Variants in PPP3R1 observed in about 807,000 individuals in gnomAD.
PPP3R1 encodes the protein calcineurin subunit B type 1.
PPP3R1 carries 5 observed loss-of-function variants against 22.6 expected under a neutral mutation model. The observed-to-expected ratio is 0.22, with a 90% CI of 0.12 to 0.46. The LOEUF (loss-of-function observed/expected upper bound fraction) is 0.46. PPP3R1 is among the 20% of genes least tolerant of loss of function. The pLI, the probability that PPP3R1 is intolerant of heterozygous loss-of-function variation, is 0.99. For synonymous variants in PPP3R1, 56 were observed against 65.2 expected (o/e 0.86, Z 0.68); for missense variants, 61 against 203.2 (o/e 0.30, Z 4.25).
intron 2 of PPP3R1, among the ~76,000 whole-genome samples, chr2:68,198,339 GTACATGTATATGCATATATATGTA>G (rs1674864242): frequency 1.7e-5 from 1 of 60,462 alleles, no homozygotes; most frequent in African/African-American, 8.7e-5. Context: ...GTACATATAT[GTACATGTATATGCATATATATGTA>G]CATATATGTA....
At chr2:68,196,250 A>G (rs1435151997) in intron 2 of PPP3R1, among the ~76,000 whole-genome samples, 3 of 152,216 alleles carry the variant, frequency 2.0e-5, no homozygotes. Flanking sequence ...ACAGTTTTTT[A>G]TAAAGACACC....
intron 1 of PPP3R1, among the ~76,000 whole-genome samples, chr2:68,227,613 T>C (rs1281378299): frequency 1.3e-5 from 2 of 151,988 alleles, no homozygotes; most frequent in Non-Finnish European, 2.9e-5. Flanking sequence ...TCTAGTCTGA[T>C]AAATGCTGCC....
intron 1 of PPP3R1, among the ~76,000 whole-genome samples, chr2:68,250,115 A>T (rs889408138): frequency 6.6e-6 from 1 of 152,076 alleles, no homozygotes; most frequent in Non-Finnish European, 1.5e-5. Flanking sequence ...TGCCAACATT[A>T]TGTAGGTCCT....
chr2:68,221,597 T>C (rs190884375), intron 1 of PPP3R1, among the ~76,000 whole-genome samples: 1 of 152,100 alleles, frequency 6.6e-6, no homozygotes, highest in East Asian at 1.9e-4. Context: ...TTTAAAGAAA[T>C]AATGGCCCCA....
chr2:68,227,294 T>C (rs569600026), intron 1 of PPP3R1, among the ~76,000 whole-genome samples: 1 of 152,174 alleles, frequency 6.6e-6, no homozygotes, highest in South Asian at 2.1e-4. Flanking sequence ...AACATGAACT[T>C]GAAAAGTAAG....
At chr2:68,202,964 G>A (rs1413205438) in intron 2 of PPP3R1, among the ~76,000 whole-genome samples, 6 of 151,930 alleles carry the variant, frequency 3.9e-5, no homozygotes, top group South Asian at 2.1e-4. Flanking sequence ...CACCATACCC[G>A]GCTAATTTGA....
At chr2:68,181,054 A>G in intron 5 of PPP3R1, 44 bp from the exon 6 acceptor site, 1 of 1,571,976 alleles carries the variant, frequency 6.4e-7, no homozygotes, top group Non-Finnish European at 8.8e-7. Flanking sequence ...TGTCTGAGAA[A>G]CTCCTCATTC....
intron 1 of PPP3R1, among the ~76,000 whole-genome samples, chr2:68,229,179 A>T (rs903261651): frequency 2.6e-4 from 37 of 144,374 alleles, no homozygotes; most frequent in East Asian, 8.0e-4. Context: ...TCAGCTAATT[A>T]TTTTTTTTTT....
At chr2:68,222,611 C>CA (rs1354906966) in intron 1 of PPP3R1, among the ~76,000 whole-genome samples, 2 of 152,168 alleles carry the variant, frequency 1.3e-5, no homozygotes, top group African/African-American at 4.8e-5. Context: ...CCTTCAGACT[C>CA]AGACTAGAAT....
chr2:68,187,458 A>C, intron 3 of PPP3R1, 144 bp from the exon 4 acceptor site: 1 of 667,574 alleles, frequency 1.5e-6, no homozygotes, highest in Non-Finnish European at 2.5e-6. Flanking sequence ...AAAATTGCCA[A>C]ATTTGAAACC....
chr2:68,246,661 G>C (rs1346977211), intron 1 of PPP3R1, among the ~76,000 whole-genome samples: 1 of 152,056 alleles, frequency 6.6e-6, no homozygotes, highest in Non-Finnish European at 1.5e-5. Flanking sequence ...ATGCTATGCT[G>C]CTCATTTCCC....
intron 2 of PPP3R1, among the ~76,000 whole-genome samples, chr2:68,193,917 G>A (rs9677635): frequency 0.75 from 113,219 of 151,900 alleles, 43,241 homozygotes; most frequent in African/African-American, 0.93. Context: ...TTTTTTTCCT[G>A]CTGCTTAGGA....
chr2:68,207,958 C>G (rs1369205328), intron 2 of PPP3R1, among the ~76,000 whole-genome samples: 1 of 152,170 alleles, frequency 6.6e-6, no homozygotes, highest in African/African-American at 2.4e-5. Context: ...GAGTTCGAGA[C>G]AAGCCTTGCC....
intron 1 of PPP3R1, among the ~76,000 whole-genome samples, chr2:68,219,059 C>A (rs1383891075): frequency 6.6e-6 from 1 of 152,098 alleles, no homozygotes; most frequent in Non-Finnish European, 1.5e-5. Context: ...CCCAAACTGA[C>A]CACATCACAT....
At chr2:68,235,949 G>C (rs1012686349) in intron 1 of PPP3R1, among the ~76,000 whole-genome samples, 3 of 152,154 alleles carry the variant, frequency 2.0e-5, no homozygotes, top group African/African-American at 7.2e-5. Flanking sequence ...ATGATGTTGA[G>C]CATCTTTGCA....
At chr2:68,185,358 G>A (rs894288022) in intron 5 of PPP3R1, among the ~76,000 whole-genome samples, 15 of 148,178 alleles carry the variant, frequency 1.0e-4, no homozygotes, top group African/African-American at 3.7e-4. Flanking sequence ...TTCCACTGAT[G>A]TGATATACTT....
chr2:68,250,231 G>A (rs549593251), intron 1 of PPP3R1, among the ~76,000 whole-genome samples: 37 of 151,604 alleles, frequency 2.4e-4, no homozygotes, highest in Non-Finnish European at 4.4e-4. Context: ...TAATGACCTG[G>A]CAGGAAACAA....
chr2:68,248,853 T>C (rs1394122380), intron 1 of PPP3R1, among the ~76,000 whole-genome samples: 2 of 152,220 alleles, frequency 1.3e-5, no homozygotes, highest in South Asian at 2.1e-4. Context: ...GTGTGTACTA[T>C]TCATATGACA....
intron 2 of PPP3R1, among the ~76,000 whole-genome samples, chr2:68,192,467 ATT>A (rs1251962905): frequency 2.6e-5 from 4 of 152,174 alleles, no homozygotes; most frequent in African/African-American, 9.6e-5. Flanking sequence ...TATGCAAACT[ATT>A]TATTAGTCAA....
Sources: allele counts gnomAD v4.1 joint callset (sites outside exome capture counted in the v4.1 genomes callset), GRCh38; gene constraint gnomAD v4.1.1; transcripts MANE v1.5; gene names NCBI Gene and HGNC (gene_info 2026-07-23, HGNC 2026-07-21).